The following GNS variants were observed in gnomAD, a reference collection of about 807,000 sequenced individuals.
GNS encodes glucosamine (N-acetyl)-6-sulfatase.
Under a neutral mutation model 69.7 loss-of-function variants are expected in GNS, and 40 were observed. The ratio of observed to expected loss-of-function variants is 0.57; its 90% CI spans 0.45 to 0.75. The LOEUF is 0.75. Ranked by LOEUF, GNS falls within the 30% of genes least tolerant of loss-of-function variation. The probability of loss-of-function intolerance (pLI) is 0.00; values close to 1 mark genes in which losing one functional copy is unlikely to be tolerated. For missense variants in GNS, 565 were observed against 685.5 expected, an observed-to-expected ratio of 0.82 and a Z score of 1.96; for synonymous variants, 243 against 251.6, an observed-to-expected ratio of 0.97 and a Z score of 0.32.
At chr12:64,748,315 C>T (rs1309689946) in intron 2 of GNS, among the ~76,000 whole-genome samples, 1 of 152,034 alleles carries the variant, frequency 6.6e-6, no homozygotes, top group African/African-American at 2.4e-5. Context: ...ATCCTCCCAC[C>T]TCAGCCTCCC....
chr12:64,755,964 G>A (rs1870238956), intron 1 of GNS, among the ~76,000 whole-genome samples: 1 of 152,130 alleles, frequency 6.6e-6, no homozygotes, highest in South Asian at 2.1e-4. Context: ...ACCGCGCCCG[G>A]CCATGAATTA....
intron 9 of GNS, among the ~76,000 whole-genome samples, chr12:64,734,873 C>A (rs1431233526): frequency 6.6e-6 from 1 of 152,128 alleles, no homozygotes; most frequent in African/African-American, 2.4e-5. Context: ...GAGGCCGAGG[C>A]AGGCAGATCA....
intron 12 of GNS, among the ~76,000 whole-genome samples, chr12:64,721,212 T>C (rs369380941): frequency 3.9e-4 from 59 of 152,316 alleles, no homozygotes; most frequent in African/African-American, 1.3e-3. Context: ...CTCTAATCTA[T>C]TACAGCAGCA....
chr12:64,730,434 CAAAAAAA>C (rs35692874), intron 9 of GNS, among the ~76,000 whole-genome samples: 4 of 43,386 alleles, frequency 9.2e-5, no homozygotes, highest in Non-Finnish European at 1.2e-4. Flanking sequence ...ATATGAAAGG[CAAAAAAA>C]AAAAAAAAAA....
rs547788908 is a variant in GNS, at chr12:64,714,037, G to A, written c.*2704C>T. ...TCAGCTACTTGGGAGGCTGAGGCAG[G>A]AGAACTGCTGGAACCCAGGAGGTGG... On this transcript the variant is annotated 3_prime_UTR_variant, in exon 14 of 14. Transcript: ENST00000258145. The A allele has an allele frequency of 6.6e-6, 1 of 152,134 alleles. No individual in the cohort carries two copies. Among genetic ancestry groups the A allele is most frequent in the Non-Finnish European group, 1.5e-5 (1 of 68,030 alleles). 9.4% of individuals were successfully genotyped at this position (152,134 alleles called of 1,614,324 possible).
At chr12:64,743,924 A>G (rs1397218544) in intron 5 of GNS, among the ~76,000 whole-genome samples, 7 of 152,182 alleles carry the variant, frequency 4.6e-5, no homozygotes, top group Admixed American at 6.5e-5. Flanking sequence ...ATGTATTCCC[A>G]ACACTAACTC....
At chr12:64,725,218 A>G (rs1869157767) in intron 10 of GNS, among the ~76,000 whole-genome samples, 1 of 152,150 alleles carries the variant, frequency 6.6e-6, no homozygotes, top group Non-Finnish European at 1.5e-5. Context: ...TTTTTTGTAA[A>G]AGGCCACAGA....
chr12:64,742,877 C>T (rs749007587), intron 6 of GNS, among the ~76,000 whole-genome samples: 14 of 152,188 alleles, frequency 9.2e-5, no homozygotes, highest in Non-Finnish European at 1.9e-4. Context: ...CCAGGAGAGC[C>T]TGAGTGATAT....
At chr12:64,733,591 T>C (rs1869472948) in intron 9 of GNS, among the ~76,000 whole-genome samples, 2 of 152,184 alleles carry the variant, frequency 1.3e-5, no homozygotes, top group South Asian at 4.1e-4. Flanking sequence ...CATATCTTGG[T>C]TGCTTCAGCT....
intron 1 of GNS, among the ~76,000 whole-genome samples, chr12:64,755,959 G>A (rs915716935): frequency 2.0e-5 from 3 of 152,012 alleles, no homozygotes; most frequent in Non-Finnish European, 2.9e-5. Flanking sequence ...GAGCCACCGC[G>A]CCCGGCCATG....
At chr12:64,733,764 C>T (rs534538461) in intron 9 of GNS, among the ~76,000 whole-genome samples, 2 of 152,350 alleles carry the variant, frequency 1.3e-5, no homozygotes, top group Admixed American at 1.3e-4. Flanking sequence ...ACTCCCAGTT[C>T]AGTTCTATTT....
chr12:64,742,932 A>G (rs555515114), intron 6 of GNS, among the ~76,000 whole-genome samples: 2 of 151,994 alleles, frequency 1.3e-5, no homozygotes, highest in South Asian at 4.2e-4. Flanking sequence ...TTCCCTGTCA[A>G]CTCTCCAGCT....
At chr12:64,751,594 C>A (rs912864066) in intron 2 of GNS, among the ~76,000 whole-genome samples, 9 of 152,120 alleles carry the variant, frequency 5.9e-5, no homozygotes, top group African/African-American at 2.2e-4. Flanking sequence ...AGTACTTTCT[C>A]GTATCTATTG....
At chr12:64,717,037 A>G (rs1336934150) in intron 13 of GNS, among the ~76,000 whole-genome samples, 1 of 152,216 alleles carries the variant, frequency 6.6e-6, no homozygotes, top group African/African-American at 2.4e-5. Flanking sequence ...AGTCAAGAGG[A>G]GAAAAACAAG....
intron 9 of GNS, among the ~76,000 whole-genome samples, chr12:64,733,208 G>A (rs1869459307): frequency 7.1e-6 from 1 of 141,512 alleles, no homozygotes; most frequent in Non-Finnish European, 1.5e-5. Flanking sequence ...TGAGGTAGGA[G>A]AATCACCTGA....
chr12:64,728,282 C>T (rs549288644), intron 10 of GNS, among the ~76,000 whole-genome samples: 2 of 152,288 alleles, frequency 1.3e-5, no homozygotes, highest in African/African-American at 2.4e-5. Flanking sequence ...AAAAATAATT[C>T]ACCTCATTAT....
intron 9 of GNS, among the ~76,000 whole-genome samples, chr12:64,734,888 G>A (rs1405458696): frequency 6.6e-6 from 1 of 152,122 alleles, no homozygotes; most frequent in Non-Finnish European, 1.5e-5. Flanking sequence ...AGATCATGAG[G>A]TCAGGAGATC....
intron 6 of GNS, 140 bp downstream of exon 6, chr12:64,743,001 G>A: frequency 1.3e-6 from 1 of 768,326 alleles, no homozygotes; most frequent in Non-Finnish European, 2.4e-6. Flanking sequence ...TTATACTATT[G>A]GTTGTACTAG....
chr12:64,735,974 A>G (rs1869545445), intron 9 of GNS, among the ~76,000 whole-genome samples: 1 of 152,234 alleles, frequency 6.6e-6, no homozygotes, highest in South Asian at 2.1e-4. Flanking sequence ...AGTAAACATC[A>G]AGCTCCAAAA....
Sources: gnomAD v4.1 joint callset for allele counts (sites outside exome capture counted in the v4.1 genomes callset) on GRCh38, gnomAD v4.1.1 for gene constraint, MANE v1.5 for transcripts, NCBI Gene and HGNC (gene_info 2026-07-23, HGNC 2026-07-21) for gene names.